EPHA3: variants seen among roughly 807,000 people sequenced by gnomAD.
EPHA3 encodes ephrin type-A receptor 3.
A neutral mutation model predicts 107.1 loss-of-function variants in EPHA3; 42 were observed. The ratio of observed to expected loss-of-function variants is 0.39; its 90% CI spans 0.31 to 0.51. The LOEUF is 0.51. Among genes scored for constraint, EPHA3 ranks in the 20% least tolerant of loss-of-function variants. The pLI, the probability that EPHA3 is intolerant of heterozygous loss-of-function variation, is 0.78. For synonymous variants in EPHA3, 461 were observed against 424.8 expected, an observed-to-expected ratio of 1.09 and a Z score of -1.05; for missense variants, 1,183 against 1,211.2, an observed-to-expected ratio of 0.98 and a Z score of 0.35.
rs1356993379 is a variant in EPHA3, at chr3:89,417,680, T to C, written c.1889-1525T>C. Among the ~76,000 whole-genome samples, 4 of 151,414 alleles carry C rather than the reference T, an allele frequency of 2.6e-5. No individual in the cohort carries two copies. The East Asian group carries it at 7.8e-4, about 29-fold the overall frequency. On this transcript the variant is annotated intron_variant, in intron 10 of 16. Transcript: ENST00000336596. The stretch of plus-strand genomic sequence containing the variant: ...TTCTCAAGTTCTACTCCCTGATTCT[T>C]TCTGTATCCTAAGGAACACTATAGC...
chr3:89,212,140 G>T (rs1328189649), intron 3 of EPHA3, among the ~76,000 whole-genome samples: 4 of 151,722 alleles, frequency 2.6e-5, no homozygotes, highest in Non-Finnish European at 5.9e-5. Flanking sequence ...GTGTCATACC[G>T]TTTACTAGGA....
intron 2 of EPHA3, among the ~76,000 whole-genome samples, chr3:89,174,558 G>A (rs1394015881): frequency 2.0e-5 from 3 of 151,480 alleles, no homozygotes; most frequent in Non-Finnish European, 4.4e-5. Flanking sequence ...ATTGCAGAGA[G>A]TATATTTACC....
intron 13 of EPHA3, among the ~76,000 whole-genome samples, chr3:89,432,712 A>AT (rs1213687682): frequency 1.3e-5 from 2 of 152,124 alleles, no homozygotes; most frequent in Non-Finnish European, 2.9e-5. Context: ...TAGCCTTTCG[A>AT]TTTTTTTAAA....
chr3:89,178,545 T>C (rs1705367831), intron 2 of EPHA3, among the ~76,000 whole-genome samples: 2 of 152,014 alleles, frequency 1.3e-5, no homozygotes, highest in Admixed American at 6.6e-5. Context: ...TGTGAATCCA[T>C]TATTTATTAC....
At chr3:89,167,087 G>T (rs948876838) in intron 2 of EPHA3, among the ~76,000 whole-genome samples, 3 of 152,058 alleles carry the variant, frequency 2.0e-5, no homozygotes, top group African/African-American at 7.2e-5. Context: ...TGGTCTAAAA[G>T]TCAATGACCT....
chr3:89,317,740 AG>A (rs1706943005), intron 3 of EPHA3, among the ~76,000 whole-genome samples: 1 of 151,794 alleles, frequency 6.6e-6, no homozygotes, highest in Admixed American at 6.6e-5. Flanking sequence ...AATATATAAA[AG>A]TTAGCCTAGA....
chr3:89,428,723 C>T (rs550137435), intron 11 of EPHA3, among the ~76,000 whole-genome samples: 1 of 151,824 alleles, frequency 6.6e-6, no homozygotes, highest in African/African-American at 2.4e-5. Context: ...ATATAAATAC[C>T]CATAGAAAGA....
chr3:89,448,722 T>C (rs1709927485), intron 13 of EPHA3, among the ~76,000 whole-genome samples: 1 of 152,136 alleles, frequency 6.6e-6, no homozygotes, highest in Admixed American at 6.6e-5. Context: ...TATAATTTTA[T>C]TTTGAGTTTA....
intron 2 of EPHA3, among the ~76,000 whole-genome samples, chr3:89,154,945 A>G (rs1289933727): frequency 1.3e-5 from 2 of 149,172 alleles, no homozygotes; most frequent in Admixed American, 6.7e-5. Context: ...CACTATTATA[A>G]CCATTAGAAA....
intron 3 of EPHA3, among the ~76,000 whole-genome samples, chr3:89,237,972 A>C (rs1704812179): frequency 6.6e-6 from 1 of 150,912 alleles, no homozygotes; most frequent in Admixed American, 6.6e-5. Flanking sequence ...GAGTGAGACC[A>C]TGTCTCAGGA....
At chr3:89,342,131 G>A (rs781595722) in intron 5 of EPHA3, 41 bp downstream of exon 5, 31 of 1,524,056 alleles carry the variant, frequency 2.0e-5, no homozygotes, top group Middle Eastern at 1.9e-4. Context: ...ATCATATCAC[G>A]TCTGAGTAAT....
At chr3:89,285,978 C>G (rs1238483914) in intron 3 of EPHA3, among the ~76,000 whole-genome samples, 4 of 152,034 alleles carry the variant, frequency 2.6e-5, no homozygotes, top group African/African-American at 9.7e-5. Flanking sequence ...GTCTCTGCTG[C>G]CTTAATTGTC....
chr3:89,230,185 C>A (rs1431386449), intron 3 of EPHA3, among the ~76,000 whole-genome samples: 9 of 151,940 alleles, frequency 5.9e-5, no homozygotes, highest in Non-Finnish European at 1.3e-4. Context: ...TGTAGCAGAT[C>A]CCAACTAGAA....
intron 3 of EPHA3, among the ~76,000 whole-genome samples, chr3:89,252,471 C>T (rs760371528): frequency 5.3e-5 from 8 of 152,170 alleles, no homozygotes; most frequent in Non-Finnish European, 1.0e-4. Context: ...GATACAGTGG[C>T]TCATGCCTGT....
chr3:89,199,242 T>G (rs1705912377), intron 2 of EPHA3, among the ~76,000 whole-genome samples: 1 of 152,188 alleles, frequency 6.6e-6, no homozygotes, highest in African/African-American at 2.4e-5. Context: ...TGACTCCCAC[T>G]TTACTGAGGT....
chr3:89,362,482 G>T (rs78268844), intron 5 of EPHA3, among the ~76,000 whole-genome samples: 2 of 150,956 alleles, frequency 1.3e-5, no homozygotes, highest in Admixed American at 1.3e-4. Flanking sequence ...AGAGCCCTTC[G>T]TCTTAAATGC....
chr3:89,249,935 C>T (rs539219674), intron 3 of EPHA3, among the ~76,000 whole-genome samples: 3 of 152,146 alleles, frequency 2.0e-5, no homozygotes, highest in South Asian at 4.1e-4. Flanking sequence ...CTGATAGATA[C>T]ACAATTAATA....
intron 3 of EPHA3, among the ~76,000 whole-genome samples, chr3:89,246,443 T>G (rs1705035578): frequency 6.6e-6 from 1 of 150,964 alleles, no homozygotes; most frequent in South Asian, 2.1e-4. Flanking sequence ...TTTTGATGGG[T>G]CTCACAACAC....
chr3:89,127,268 C>T lies in EPHA3; in HGVS notation c.148C>T (p.His50Tyr). Residue 50 changes from histidine to tyrosine, a missense_variant, in exon 2 of 17, where the codon CAT (histidine) becomes TAT (tyrosine). Transcript: ENST00000336596. ...GELGWISYPSHGWEEISGVDE... is the reference protein window; with the variant it reads ...GELGWISYPSYGWEEISGVDE... The stretch of plus-strand genomic sequence containing the variant: ...GCTGGGCTGGATCTCTTATCCATCA[C>T]ATGGGGTGAGTTCAATAAACTATCA... The T allele has an allele frequency of 6.2e-7, 1 of 1,611,516 alleles. No homozygotes were observed. The highest frequency in any genetic ancestry group is 8.5e-7 in the Non-Finnish European group (1 of 1,177,988).
Sources: gnomAD v4.1 joint callset for allele counts (sites outside exome capture counted in the v4.1 genomes callset) on GRCh38, gnomAD v4.1.1 for gene constraint, MANE v1.5 for transcripts, NCBI Gene and HGNC (gene_info 2026-07-23, HGNC 2026-07-21) for gene names.